Variants in RBM33 observed in about 807,000 individuals in gnomAD.
RBM33 encodes the protein RNA binding motif protein 33.
In RBM33, 28 loss-of-function variants were observed where a neutral mutation model predicts 132.6. The ratio of observed to expected loss-of-function variants is 0.21; its 90% CI spans 0.16 to 0.29. The LOEUF (loss-of-function observed/expected upper bound fraction) is 0.29, where lower values mean the gene tolerates loss of function less well. RBM33 is among the 10% of genes least tolerant of loss of function. The pLI, the probability that RBM33 is intolerant of heterozygous loss-of-function variation, is 1.00. For synonymous variants in RBM33, 634 were observed against 593.0 expected (o/e 1.07, Z -1.01); for missense variants, 1,291 against 1,518.5 (o/e 0.85, Z 2.49).
intron 9 of RBM33, among the ~76,000 whole-genome samples, chr7:155,731,967 A>T (rs184879489): frequency 1.3e-5 from 2 of 152,342 alleles, no homozygotes; most frequent in East Asian, 3.9e-4. Context: ...GCTTGTTCTA[A>T]TTATAGGCAA....
chr7:155,728,590 G>A (rs1398945236), intron 9 of RBM33, among the ~76,000 whole-genome samples: 1 of 152,134 alleles, frequency 6.6e-6, no homozygotes, highest in Non-Finnish European at 1.5e-5. Flanking sequence ...GATCAGGTGA[G>A]TACTGATAAT....
intron 15 of RBM33, 150 bp from the exon 16 acceptor site, chr7:155,766,317 T>G (rs1476235573): frequency 1.1e-6 from 1 of 881,248 alleles, no homozygotes; most frequent in African/African-American, 1.7e-5. Flanking sequence ...ATTAAAACAT[T>G]CTCTGATAGT....
intron 14 of RBM33, among the ~76,000 whole-genome samples, chr7:155,751,791 G>C (rs1042010804): frequency 2.1e-5 from 3 of 140,236 alleles, no homozygotes; most frequent in Non-Finnish European, 4.6e-5. Context: ...TTTGTAATTA[G>C]TAAAGTAATT....
intron 2 of RBM33, among the ~76,000 whole-genome samples, chr7:155,671,672 A>G (rs2116902608): frequency 1.3e-5 from 2 of 152,348 alleles, no homozygotes; most frequent in South Asian, 4.1e-4. Flanking sequence ...CAGAGCACCT[A>G]TTAAAAATAA....
intron 3 of RBM33, among the ~76,000 whole-genome samples, chr7:155,677,712 C>T (rs897418685): frequency 7.2e-5 from 11 of 152,094 alleles, no homozygotes; most frequent in African/African-American, 2.7e-4. Flanking sequence ...ATAAAGTATA[C>T]AGGTAAGTTT....
At chr7:155,659,170 G>A (rs974550414) in intron 1 of RBM33, among the ~76,000 whole-genome samples, 19 of 152,130 alleles carry the variant, frequency 1.2e-4, no homozygotes, top group South Asian at 6.2e-4. Flanking sequence ...AGAATATCCA[G>A]TTTTAAATAG....
At chr7:155,755,902 CAAAA>C (rs150518793) in intron 14 of RBM33, among the ~76,000 whole-genome samples, 1 of 151,160 alleles carries the variant, frequency 6.6e-6, no homozygotes, top group Non-Finnish European at 1.5e-5. Flanking sequence ...TATAAATATA[CAAAA>C]AAAACTAGTC....
intron 5 of RBM33, among the ~76,000 whole-genome samples, chr7:155,697,681 GATC>G (rs1799835217): frequency 1.3e-5 from 2 of 152,100 alleles, no homozygotes; most frequent in African/African-American, 4.8e-5. Context: ...AGAACACTGA[GATC>G]ATACTTTCAT....
chr7:155,759,115 C>T (rs914633784), intron 14 of RBM33, among the ~76,000 whole-genome samples: 5 of 152,252 alleles, frequency 3.3e-5, no homozygotes, highest in Non-Finnish European at 7.3e-5. Context: ...GACACCATCA[C>T]ATCAGGACCC....
chr7:155,708,067 C>T (rs1415008480), intron 7 of RBM33, among the ~76,000 whole-genome samples: 2 of 152,202 alleles, frequency 1.3e-5, no homozygotes, highest in African/African-American at 4.8e-5. Flanking sequence ...CTACCACATG[C>T]CGTTTTTACA....
At position 155,679,948 on chromosome 7, in the gene RBM33, C is replaced by G. The variant is rs560104426; in HGVS notation, c.249-642C>G. 2.6e-5 allele frequency among the ~76,000 whole-genome samples: 4 copies of G among 151,944 alleles called. No homozygotes were observed. In the East Asian group the frequency reaches 7.7e-4, roughly 29 times the overall value. ...TAATAGGTGGAACATGTTTTTTTTGCAGTTTCAAAACCTTTGTTATTTTAC... is the reference window on the plus strand; with the variant it reads ...TAATAGGTGGAACATGTTTTTTTTGGAGTTTCAAAACCTTTGTTATTTTAC... On this transcript the variant is annotated intron_variant, in intron 4 of 17. Coordinates refer to ENST00000401878, the MANE Select transcript of RBM33 (RefSeq NM_053043.3).
At chr7:155,699,619 T>C (rs1255660854) in intron 5 of RBM33, among the ~76,000 whole-genome samples, 3 of 152,204 alleles carry the variant, frequency 2.0e-5, no homozygotes, top group African/African-American at 7.2e-5. Context: ...ATTGTAATTG[T>C]CAGGCTTAAG....
chr7:155,756,521 G>C (rs1271350280), intron 14 of RBM33, among the ~76,000 whole-genome samples: 2 of 152,204 alleles, frequency 1.3e-5, no homozygotes, highest in African/African-American at 4.8e-5. Context: ...GGAATTGAAA[G>C]CGTTGTTTCC....
chr7:155,740,730 A>T (rs1676271908), intron 12 of RBM33, among the ~76,000 whole-genome samples: 1 of 152,194 alleles, frequency 6.6e-6, no homozygotes, highest in South Asian at 2.1e-4. Flanking sequence ...TTTTGTTTTT[A>T]GGAAAGGGAG....
chr7:155,726,810 C>T (rs1800806253), intron 9 of RBM33, among the ~76,000 whole-genome samples: 1 of 152,210 alleles, frequency 6.6e-6, no homozygotes, highest in Non-Finnish European at 1.5e-5. Context: ...CTTGCAGAAG[C>T]AATGCACTAT....
intron 2 of RBM33, among the ~76,000 whole-genome samples, chr7:155,666,162 A>G (rs1016421656): frequency 1.3e-5 from 2 of 152,196 alleles, no homozygotes; most frequent in Non-Finnish European, 2.9e-5. Flanking sequence ...GTGATTATGG[A>G]GACTGAGAAG....
intron 14 of RBM33, among the ~76,000 whole-genome samples, chr7:155,758,472 A>G (rs1252259806): frequency 6.6e-6 from 1 of 152,128 alleles, no homozygotes; most frequent in African/African-American, 2.4e-5. Context: ...GGCAGTTCAC[A>G]GTAGGATTCA....
chr7:155,774,488 T>A lies in RBM33; in HGVS notation c.3376-71T>A. The A allele has an allele frequency of 8.8e-7, 1 of 1,140,246 alleles. No homozygotes were observed. The highest frequency in any genetic ancestry group is 2.3e-4 in the Middle Eastern group (1 of 4,274). The allele number at this position is 1,140,246 out of a possible 1,614,324, so 70.6% of individuals were successfully genotyped here. A position where few individuals can be genotyped will look rare whatever the true frequency, so the allele number is the denominator to read the frequency against. On this transcript the variant is annotated intron_variant, in intron 16 of 17. Transcript: ENST00000401878. The surrounding 1 kb of genome is among the most constrained non-coding windows in gnomAD (Gnocchi z 4.2). ...CATTTTGTGTTAAAACTAATAATGC[T>A]TAAATATATATATTCATATTTTTTA...
intron 9 of RBM33, among the ~76,000 whole-genome samples, chr7:155,733,030 G>A (rs1801002622): frequency 6.6e-6 from 1 of 152,204 alleles, no homozygotes; most frequent in Admixed American, 6.5e-5. Context: ...GATACAGGGA[G>A]GTGGCCAGAG....
Sources: allele counts gnomAD v4.1 joint callset (sites outside exome capture counted in the v4.1 genomes callset), GRCh38; gene constraint gnomAD v4.1.1; non-coding constraint Gnocchi (gnomAD v3.1); transcripts MANE v1.5; gene names NCBI Gene and HGNC (gene_info 2026-07-23, HGNC 2026-07-21).